The following RPP40 variants were observed in gnomAD, a reference collection of about 807,000 sequenced individuals.
RPP40 encodes ribonuclease P protein subunit p40.
A neutral mutation model predicts 42.5 loss-of-function variants in RPP40; 30 were observed. The ratio of observed to expected loss-of-function variants is 0.71; its 90% CI spans 0.53 to 0.96. The LOEUF (loss-of-function observed/expected upper bound fraction) is 0.96, where lower values mean the gene tolerates loss of function less well. Among genes scored for constraint, RPP40 ranks in the 40% least tolerant of loss-of-function variants. RPP40 has a pLI of 0.00. For synonymous variants in RPP40, 173 were observed against 164.0 expected (o/e 1.05, Z -0.42); for missense variants, 426 against 433.5 (o/e 0.98, Z 0.15).
At chr6:5,001,435 G>C (rs538771841) in intron 2 of RPP40, among the ~76,000 whole-genome samples, 42 of 152,310 alleles carry the variant, frequency 2.8e-4, no homozygotes, top group African/African-American at 8.9e-4. Context: ...CTGGTAACTA[G>C]AGTTCTTCAT....
At chr6:5,003,062 G>C (rs976063807) in intron 1 of RPP40, among the ~76,000 whole-genome samples, 5 of 152,092 alleles carry the variant, frequency 3.3e-5, no homozygotes, top group African/African-American at 1.2e-4. Context: ...AAAATCAGTC[G>C]CTTCGGCCGG....
At chr6:4,999,188 C>T (rs1051258715) in intron 4 of RPP40, among the ~76,000 whole-genome samples, 6 of 151,994 alleles carry the variant, frequency 3.9e-5, no homozygotes, top group Non-Finnish European at 8.8e-5. Flanking sequence ...TCTCTTCACT[C>T]ATGGGTGAAT....
downstream of RPP40, among the ~76,000 whole-genome samples, chr6:4,994,561 T>C (rs1026955615): frequency 2.6e-5 from 4 of 152,188 alleles, no homozygotes; most frequent in East Asian, 5.8e-4. Context: ...AGAACACACT[T>C]AGGAACTAGG....
In RPP40 at chr6:4,995,829, T is replaced by C. The variant is rs897747212; in HGVS notation, c.893+122A>G. ...ATGTACGGTCTTTGCAATAGGCGATTTGAGTTCCTTTCAATGTACATTTTA... is the reference window on the plus strand; with the variant it reads ...ATGTACGGTCTTTGCAATAGGCGATCTGAGTTCCTTTCAATGTACATTTTA... On this transcript the variant is annotated intron_variant, in intron 7 of 7. Coordinates refer to ENST00000380051, the MANE Select transcript of RPP40 (RefSeq NM_006638.4). The C allele has an allele frequency of 6.8e-6, 6 of 881,800 alleles. No homozygotes were observed. The African/African-American group carries it at 8.5e-5, about 12-fold the overall frequency. The allele number at this position is 881,800 out of a possible 1,614,324, so 54.6% of individuals were successfully genotyped here.
intron 4 of RPP40, among the ~76,000 whole-genome samples, 172 bp from the exon 5 acceptor site, chr6:4,999,013 T>C (rs1418668052): frequency 2.0e-5 from 3 of 152,228 alleles, no homozygotes; most frequent in Admixed American, 6.5e-5. Flanking sequence ...ATCCCTTTGG[T>C]GGGCACTTCT....
chr6:4,996,800 A>G (rs1323111148), intron 5 of RPP40, among the ~76,000 whole-genome samples: 1 of 152,236 alleles, frequency 6.6e-6, no homozygotes, highest in African/African-American at 2.4e-5. Context: ...AAAGAAAAAG[A>G]AGAGAAACTG....
rs1251212960 is a variant in RPP40 at position 4,994,874 on chromosome 6, A to G, written c.*204T>C. Reference sequence around the variant, plus strand: ...CAACCCTGTGCTTATGTTGACAGAGAGAAATCAACTATGAGCTATTCACTG... The same window carrying G: ...CAACCCTGTGCTTATGTTGACAGAGGGAAATCAACTATGAGCTATTCACTG... On this transcript the variant is annotated 3_prime_UTR_variant, in exon 8 of 8. Transcript: ENST00000380051. The G allele has an allele frequency of 3.5e-6, 2 of 575,514 alleles. No individual in the cohort carries two copies. Among genetic ancestry groups the G allele is most frequent in the Admixed American group, 3.1e-5 (1 of 32,736 alleles). 35.7% of individuals were successfully genotyped at this position (575,514 alleles called of 1,614,324 possible).
chr6:4,998,260 G>C (rs1759442202), intron 5 of RPP40, among the ~76,000 whole-genome samples: 1 of 152,168 alleles, frequency 6.6e-6, no homozygotes, highest in Non-Finnish European at 1.5e-5. Context: ...AGCAAACTTT[G>C]AACTAAATTT....
At chr6:4,999,764 T>C (rs773234682) in intron 4 of RPP40, 45 bp downstream of exon 4, 2 of 1,076,578 alleles carry the variant, frequency 1.9e-6, no homozygotes, top group Admixed American at 2.2e-5. Flanking sequence ...AAATTTAAAT[T>C]GCCACAAGAA....
At chr6:5,000,738 A>T (rs1759527239) in intron 2 of RPP40, 107 bp from the exon 3 acceptor site, 1 of 738,864 alleles carries the variant, frequency 1.4e-6, no homozygotes, top group Non-Finnish European at 2.4e-6. Context: ...ATTAAAGGTC[A>T]GTTTCTACCC....
Position 4,995,281 on chromosome 6 carries a change from A to G in RPP40, c.894-5T>C, listed in dbSNP as rs1247386177. On this transcript the variant is annotated splice_polypyrimidine_tract_variant and splice_region_variant and intron_variant, in intron 7 of 7. Transcript: ENST00000380051. Reference sequence around the variant, plus strand: ...TTCGGTTCATCAAAGTAGTGACTGAAAAAAAGGTAGTTGTTAAACAGAGTT... The same window carrying G: ...TTCGGTTCATCAAAGTAGTGACTGAGAAAAAGGTAGTTGTTAAACAGAGTT... The G allele has an allele frequency of 6.2e-7, 1 of 1,603,084 alleles. No individual in the cohort carries two copies. The highest frequency in any genetic ancestry group is 2.2e-5 in the East Asian group (1 of 44,766).
downstream of RPP40, among the ~76,000 whole-genome samples, chr6:4,993,359 T>C (rs963676626): frequency 6.6e-6 from 1 of 152,224 alleles, no homozygotes; most frequent in Non-Finnish European, 1.5e-5. Context: ...CCTAGATTTG[T>C]TTGGCACTTT....
intron 5 of RPP40, among the ~76,000 whole-genome samples, chr6:4,997,337 C>A (rs970846341): frequency 1.3e-5 from 2 of 152,176 alleles, no homozygotes; most frequent in Non-Finnish European, 2.9e-5. Context: ...CCAGGTAGAA[C>A]AAAACGTCAG....
In RPP40 at chr6:4,995,693, A is replaced by C. The variant is rs1478027078; in HGVS notation, c.893+258T>G. Among the ~76,000 whole-genome samples the C allele has an allele frequency of 2.0e-5, 3 of 152,242 alleles. No individual in the cohort carries two copies. In the East Asian group the frequency reaches 5.8e-4, roughly 29 times the overall value. On this transcript the variant is annotated intron_variant, in intron 7 of 7. Transcript: ENST00000380051. ...CGAAGAAAGTCAAAGTACTAAACCA[A>C]TAAATGTGAAAAAGGATGTTGGGCT... is the stretch of plus-strand genomic sequence containing the variant.
chr6:5,001,896 T>C (rs74888509), intron 2 of RPP40: 44,188 of 507,388 alleles, frequency 0.087, 2,234 homozygotes, highest in African/African-American at 0.13. Flanking sequence ...CCAACACTTG[T>C]GGCCAATTGC....
chr6:5,003,901 C>T lies in RPP40; in HGVS notation c.102G>A (p.Gln34=), dbSNP rs764040732. ...TCACCCTGTAGTTATAGTAGTGCGTCTGCACAAGATGCCGGTGGCGCGACT... is the reference window on the plus strand; with the variant it reads ...TCACCCTGTAGTTATAGTAGTGCGTTTGCACAAGATGCCGGTGGCGCGACT... ...NHKSRHRHLV[Q]THYYNYRVSF... Residue 34 remains glutamine, a synonymous_variant, in exon 1 of 8, where the codon CAG becomes CAA. Coordinates refer to ENST00000380051, the MANE Select transcript of RPP40 (RefSeq NM_006638.4). The T allele has an allele frequency of 1.9e-6, 3 of 1,613,708 alleles. No homozygotes were observed. The East Asian group carries it at 6.7e-5, about 36-fold the overall frequency.
In RPP40 at chr6:5,004,037, T is replaced by G. The variant is rs762665313; in HGVS notation, c.-35A>C. On this transcript the variant is annotated 5_prime_UTR_variant, in exon 1 of 8. Coordinates refer to ENST00000380051, the MANE Select transcript of RPP40 (RefSeq NM_006638.4). ...GGTTCCTGGTCCTCCCGGCCTCCGC[T>G]GGCGGGGCACGCCCCGCCCCTTCCT... 18 of 1,559,480 alleles carry G rather than the reference T, an allele frequency of 1.2e-5. No homozygotes were observed. The highest frequency in any genetic ancestry group is 2.3e-5 in the South Asian group (2 of 86,796).
At chr6:5,000,969 ACC>A (rs1759538971) in intron 2 of RPP40, 1 of 450,498 alleles carries the variant, frequency 2.2e-6, no homozygotes, top group African/African-American at 2.0e-5. Flanking sequence ...CATGCAGAAG[ACC>A]AAGCATGCAG....
At position 5,003,866 on chromosome 6, in the gene RPP40, A is replaced by G; in HGVS notation, c.123+14T>C. On this transcript the variant is annotated intron_variant, in intron 1 of 7. Coordinates refer to ENST00000380051, the MANE Select transcript of RPP40 (RefSeq NM_006638.4). The stretch of plus-strand genomic sequence containing the variant: ...CTGAGCACGGCCCGAAAAGCCGAGG[A>G]CAGCCGGACTCACCCTGTAGTTATA... The G allele has an allele frequency of 1.2e-6, 2 of 1,601,672 alleles. No individual in the cohort carries two copies. The highest frequency in any genetic ancestry group is 1.7e-6 in the Non-Finnish European group (2 of 1,170,470).
Sources: allele counts gnomAD v4.1 joint callset (sites outside exome capture counted in the v4.1 genomes callset), GRCh38; gene constraint gnomAD v4.1.1; transcripts MANE v1.5; gene names NCBI Gene and HGNC (gene_info 2026-07-23, HGNC 2026-07-21).